TMEM131L: variants seen among roughly 807,000 people sequenced by gnomAD.
The protein encoded by TMEM131L is transmembrane protein 131-like.
TMEM131L carries 54 observed loss-of-function variants against 192.2 expected under a neutral mutation model. That is an observed-to-expected ratio of 0.28 (90% CI 0.23 to 0.35). The LOEUF (loss-of-function observed/expected upper bound fraction) is 0.35, where lower values mean the gene tolerates loss of function less well. Ranked by LOEUF, TMEM131L falls within the 10% of genes least tolerant of loss-of-function variation. TMEM131L has a pLI of 1.00. For synonymous variants in TMEM131L, 701 were observed against 704.9 expected (o/e 0.99, Z 0.09); for missense variants, 1,888 against 1,972.9 (o/e 0.96, Z 0.82).
intron 7 of TMEM131L, among the ~76,000 whole-genome samples, chr4:153,578,671 C>A (rs1730129390): frequency 1.3e-5 from 2 of 152,104 alleles, no homozygotes; most frequent in South Asian, 4.1e-4. Context: ...CAGGCACCCG[C>A]CACCACACCC....
chr4:153,472,400 G>T (rs1439863719), intron 2 of TMEM131L, among the ~76,000 whole-genome samples: 1 of 152,152 alleles, frequency 6.6e-6, no homozygotes, highest in Non-Finnish European at 1.5e-5. Flanking sequence ...AGAAAAAGTT[G>T]CTTAGTGAAG....
Position 153,635,524 on chromosome 4 carries a change from C to T in TMEM131L, c.4510C>T (p.Pro1504Ser). 6.2e-7 allele frequency: 1 copy of T among 1,614,168 alleles called. No individual in the cohort carries two copies. The highest frequency in any genetic ancestry group is 8.5e-7 in the Non-Finnish European group (1 of 1,179,994). Residue 1504 changes from proline to serine, a missense_variant, in exon 34 of 35, where the codon CCC (proline) becomes TCC (serine). Coordinates refer to ENST00000409959, the MANE Select transcript of TMEM131L (RefSeq NM_001131007.2). ...CTCTCAGTCTACCTGGAACACCCCA[C>T]CCAACATGCCTGCTGCCTGGGGACA... The part of the protein sequence containing the change: ...HNSQSTWNTP[P>S]NMPAAWGHAS...
chr4:153,501,184 C>T (rs1733578435), intron 3 of TMEM131L, among the ~76,000 whole-genome samples: 1 of 151,574 alleles, frequency 6.6e-6, no homozygotes, highest in African/African-American at 2.4e-5. Flanking sequence ...TAATGCCCAC[C>T]TCACAGGGGT....
intron 7 of TMEM131L, among the ~76,000 whole-genome samples, chr4:153,577,826 C>T (rs1422264912): frequency 6.6e-6 from 1 of 152,106 alleles, no homozygotes; most frequent in Non-Finnish European, 1.5e-5. Flanking sequence ...AATAATGGTG[C>T]TAAGATGAGG....
chr4:153,538,437 A>G (rs1218692380), intron 3 of TMEM131L, among the ~76,000 whole-genome samples: 2 of 152,162 alleles, frequency 1.3e-5, no homozygotes, highest in South Asian at 2.1e-4. Flanking sequence ...ACCAGAACCA[A>G]TGGGTTTTCC....
intron 7 of TMEM131L, among the ~76,000 whole-genome samples, chr4:153,579,320 T>G (rs189552162): frequency 1.3e-5 from 2 of 152,202 alleles, no homozygotes; most frequent in Non-Finnish European, 1.5e-5. Flanking sequence ...GGAAACAGAG[T>G]GAGACCCTGT....
intron 3 of TMEM131L, among the ~76,000 whole-genome samples, chr4:153,534,682 C>T (rs1452165963): frequency 1.3e-5 from 2 of 152,208 alleles, no homozygotes; most frequent in Non-Finnish European, 2.9e-5. Context: ...ATACGCCCGC[C>T]TCGGCCTCCC....
chr4:153,540,223 C>G lies in TMEM131L; in HGVS notation c.240-9850C>G, dbSNP rs193105352. ...GGTCATAAAGTTACATAGGATTGTTCTTCGGTCCTACTGAGAAACTCTAGA... is the reference window on the plus strand; with the variant it reads ...GGTCATAAAGTTACATAGGATTGTTGTTCGGTCCTACTGAGAAACTCTAGA... On this transcript the variant is annotated intron_variant, in intron 3 of 34. Coordinates refer to ENST00000409959, the MANE Select transcript of TMEM131L (RefSeq NM_001131007.2). 1.1e-3 allele frequency among the ~76,000 whole-genome samples: 162 copies of G among 151,972 alleles called. 1 individual carries two copies. Among genetic ancestry groups the G allele is most frequent in the African/African-American group, 3.7e-3 (154 of 41,524 alleles).
chr4:153,623,366 G>A (rs910804423), intron 29 of TMEM131L, among the ~76,000 whole-genome samples: 66 of 152,242 alleles, frequency 4.3e-4, no homozygotes, highest in African/African-American at 1.4e-3. Context: ...TAATGACACC[G>A]CATTTGCCAT....
chr4:153,593,486 T>C (rs77878403), intron 18 of TMEM131L, among the ~76,000 whole-genome samples: 1 of 152,130 alleles, frequency 6.6e-6, no homozygotes, highest in Admixed American at 6.5e-5. Context: ...ACTTTTTTTT[T>C]CAAAAAAGTT....
intron 7 of TMEM131L, among the ~76,000 whole-genome samples, chr4:153,572,753 T>A (rs1729676786): frequency 6.6e-6 from 1 of 152,222 alleles, no homozygotes; most frequent in African/African-American, 2.4e-5. Flanking sequence ...ATGCGTACAG[T>A]TCACTGGCAG....
intron 25 of TMEM131L, among the ~76,000 whole-genome samples, chr4:153,605,296 T>C (rs1216433902): frequency 6.6e-6 from 1 of 152,222 alleles, no homozygotes; most frequent in Non-Finnish European, 1.5e-5. Context: ...TAAGGGCCTG[T>C]GCTTATTTAT....
chr4:153,583,744 C>T, intron 11 of TMEM131L, 72 bp downstream of exon 11: 1 of 864,158 alleles, frequency 1.2e-6, no homozygotes, highest in Non-Finnish European at 1.9e-6. Flanking sequence ...CTTTCTACAA[C>T]TACAGATTAG....
At chr4:153,480,390 T>C (rs777912108) in intron 3 of TMEM131L, among the ~76,000 whole-genome samples, 1 of 150,610 alleles carries the variant, frequency 6.6e-6, no homozygotes, top group South Asian at 2.1e-4. Flanking sequence ...CGTGGCAGCA[T>C]GAGCCTGTAG....
rs148358276 is a variant in TMEM131L at position 153,547,119 on chromosome 4, T to C, written c.240-2954T>C. On this transcript the variant is annotated intron_variant, in intron 3 of 34. Coordinates refer to ENST00000409959, the MANE Select transcript of TMEM131L (RefSeq NM_001131007.2). ...AGCTGAAATCAGCCAATGAGAAAAATAACTTATTTTATGACTCTTAGAGAA... is the reference window on the plus strand; with the variant it reads ...AGCTGAAATCAGCCAATGAGAAAAACAACTTATTTTATGACTCTTAGAGAA... 3.5e-3 allele frequency among the ~76,000 whole-genome samples: 527 copies of C among 152,318 alleles called. 4 individuals are homozygous for C. The highest frequency in any genetic ancestry group is 0.012 in the African/African-American group (503 of 41,584).
chr4:153,540,806 C>T (rs1027508928), intron 3 of TMEM131L, among the ~76,000 whole-genome samples: 6 of 152,148 alleles, frequency 3.9e-5, no homozygotes, highest in East Asian at 1.9e-4. Context: ...ATAACATGCA[C>T]GGTAATGCAT....
chr4:153,621,891 A>AT, intron 28 of TMEM131L, 42 bp downstream of exon 28: 1 of 1,596,722 alleles, frequency 6.3e-7, no homozygotes, highest in Non-Finnish European at 8.6e-7. Flanking sequence ...TTCTGTGGGA[A>AT]TTTTTGTTTC....
chr4:153,515,786 A>G (rs1214240807), intron 3 of TMEM131L, among the ~76,000 whole-genome samples: 1 of 152,226 alleles, frequency 6.6e-6, no homozygotes, highest in Admixed American at 6.5e-5. Flanking sequence ...TAGCCCTTCT[A>G]GAGGGTGCGA....
intron 26 of TMEM131L, among the ~76,000 whole-genome samples, chr4:153,619,947 T>C (rs2126714059): frequency 6.6e-6 from 1 of 152,314 alleles, no homozygotes; most frequent in South Asian, 2.1e-4. Context: ...GTTGTGTCTT[T>C]TAAGCCCTTG....
Sources: allele counts gnomAD v4.1 joint callset (sites outside exome capture counted in the v4.1 genomes callset), GRCh38; gene constraint gnomAD v4.1.1; transcripts MANE v1.5; gene names NCBI Gene and HGNC (gene_info 2026-07-23, HGNC 2026-07-21).